The following MATK variants were observed in gnomAD, a reference collection of about 807,000 sequenced individuals.
The protein encoded by MATK is megakaryocyte-associated tyrosine-protein kinase.
MATK carries 41 observed loss-of-function variants against 59.8 expected under a neutral mutation model. The observed-to-expected ratio is 0.69, with a 90% confidence interval of 0.53 to 0.89. The LOEUF (loss-of-function observed/expected upper bound fraction) is 0.89. Among genes scored for constraint, MATK ranks in the 40% least tolerant of loss-of-function variants. The pLI, the probability that MATK is intolerant of heterozygous loss-of-function variation, is 0.00. For synonymous variants in MATK, 308 were observed against 306.1 expected (o/e 1.01, Z -0.06); for missense variants, 593 against 719.6 (o/e 0.82, Z 2.01).
In MATK at chr19:3,784,012, C is replaced by T. The variant is rs770898942; in HGVS notation, c.384G>A (p.Ser128=). ...GCAGCTGCTGGACAGCCTCCTGGCC[C>T]GAGATCTTCCCGTGGAACCACCTGC... ...SLMPWFHGKI[S]GQEAVQQLQP... The change falls in exon 6 of 14, where the codon TCG becomes TCA. Residue 128 remains serine, a synonymous_variant. Coordinates refer to ENST00000310132, the MANE Select transcript of MATK (RefSeq NM_139355.3). 5.0e-6 allele frequency: 8 copies of T among 1,607,566 alleles called. No homozygotes were observed. The highest frequency in any genetic ancestry group is 2.2e-5 in the East Asian group (1 of 44,676).
chr19:3,780,208 A>T lies in MATK; in HGVS notation c.743-411T>A, dbSNP rs546952059. Among the ~76,000 whole-genome samples the T allele has an allele frequency of 3.6e-3, 543 of 151,978 alleles. 3 individuals are homozygous for T. The highest frequency in any genetic ancestry group is 0.02 in the South Asian group (97 of 4,794). ...GGCAGGAGAATCACTTGAACCCGGG[A>T]GGCAGAGGTTGCAGTGAGCCAAGAT... On this transcript the variant is annotated intron_variant, in intron 8 of 13. Transcript: ENST00000310132.
At position 3,784,345 on chromosome 19, in the gene MATK, G is replaced by T. The variant is rs751449121; in HGVS notation, c.239C>A (p.Ala80Asp). ...CCGCCGGCCACCTCTCACCTCGCAG[G>T]CCTCCAGGATGGTGACCACGTCGCC... ...RKGDVVTILE[A>D]CENKSWYRVK... The change falls in exon 4 of 14, where the codon GCC becomes GAC. Residue 80 changes from alanine (A) to aspartate (D), a missense_variant. By Grantham distance (126) the Ala-to-Asp change is moderately radical. Coordinates refer to ENST00000310132, the MANE Select transcript of MATK (RefSeq NM_139355.3). The T allele has an allele frequency of 4.4e-6, 7 of 1,605,070 alleles. No homozygotes were observed. In the South Asian group the frequency reaches 4.4e-5, roughly 10 times the overall value.
chr19:3,782,554 C>T (rs2037416269), intron 7 of MATK, among the ~76,000 whole-genome samples: 1 of 152,164 alleles, frequency 6.6e-6, no homozygotes. Flanking sequence ...ACGATGATCA[C>T]AGTTGACCTG....
chr19:3,777,991 T>C lies in MATK; in HGVS notation c.*192A>G. ...GCCTAGAGTCCTTAGAATCCGTCTT[T>C]ATCGGGCGATCATCCTTCGCAGGTC... is the stretch of plus-strand genomic sequence containing the variant. On this transcript the variant is annotated 3_prime_UTR_variant, in exon 14 of 14. Transcript: ENST00000310132. 1 of 703,086 alleles carries C rather than the reference T, an allele frequency of 1.4e-6. No individual in the cohort carries two copies. The highest frequency in any genetic ancestry group is 2.2e-6 in the Non-Finnish European group (1 of 459,558). 43.6% of individuals were successfully genotyped at this position (703,086 alleles called of 1,614,324 possible). A position where few individuals can be genotyped will look rare whatever the true frequency, so the allele number is the denominator to read the frequency against.
At chr19:3,795,229 G>A (rs12983712) in intron 1 of MATK, among the ~76,000 whole-genome samples, 50,570 of 149,144 alleles carry the variant, frequency 0.34, 9,528 homozygotes, top group East Asian at 0.51. Flanking sequence ...CGCCCACCTC[G>A]GCCTCCCAAA....
chr19:3,780,056 G>A (rs1053339621), intron 8 of MATK, among the ~76,000 whole-genome samples: 2 of 152,268 alleles, frequency 1.3e-5, no homozygotes, highest in South Asian at 2.1e-4. Flanking sequence ...TGAGGCAGGC[G>A]GATCACCTGA....
upstream of MATK, among the ~76,000 whole-genome samples, chr19:3,790,651 CT>C (rs2037531796): frequency 6.6e-6 from 1 of 152,202 alleles, no homozygotes; most frequent in Non-Finnish European, 1.5e-5. Context: ...TGAGTCCGAA[CT>C]GCAGAAGTTT....
At chr19:3,781,400 C>T (rs982653451) in intron 8 of MATK, among the ~76,000 whole-genome samples, 6 of 152,172 alleles carry the variant, frequency 3.9e-5, no homozygotes, top group South Asian at 2.1e-4. Context: ...GTTGACTGAG[C>T]GCCTGCTTGA....
In MATK at chr19:3,782,945, AT is replaced by A. The variant is rs761817480; in HGVS notation, c.676+180del. Reference sequence around the variant, plus strand: ...AGTGGCGAAGCTGGGGACCTATTGAATAAAGGACTGATCTGTGTCTGTGGGC... The same window carrying A: ...AGTGGCGAAGCTGGGGACCTATTGAAAAAGGACTGATCTGTGTCTGTGGGC... On this transcript the variant is annotated intron_variant, in intron 7 of 13. Coordinates refer to ENST00000310132, the MANE Select transcript of MATK (RefSeq NM_139355.3). 16 of 597,048 alleles carry A rather than the reference AT, an allele frequency of 2.7e-5. No individual in the cohort carries two copies. In the Admixed American group the frequency reaches 2.9e-4, roughly 11 times the overall value. 37.0% of individuals were successfully genotyped at this position (597,048 alleles called of 1,614,324 possible).
rs1247250052 is a variant in MATK, at chr19:3,786,239, A to G, written c.-222T>C. The G allele has an allele frequency of 2.0e-6, 2 of 984,728 alleles. No individual in the cohort carries two copies. Among genetic ancestry groups the G allele is most frequent in the South Asian group, 9.4e-5 (2 of 21,272 alleles). The allele number at this position is 984,728 out of a possible 1,614,324, so 61.0% of individuals were successfully genotyped here. A position where few individuals can be genotyped will look rare whatever the true frequency, so the allele number is the denominator to read the frequency against. Reference sequence around the variant, plus strand: ...GAGGGCCTCCGCGAGCCGGCTGCACACCCCGAGGCGGTCCCGGCTGCACAA... The same window carrying G: ...GAGGGCCTCCGCGAGCCGGCTGCACGCCCCGAGGCGGTCCCGGCTGCACAA... On this transcript the variant is annotated 5_prime_UTR_variant, in exon 1 of 14. Transcript: ENST00000310132. The surrounding 1 kb of genome is among the most constrained non-coding windows in gnomAD (Gnocchi z 4.1).
At chr19:3,800,865 AT>A (rs1410982280) in intron 1 of MATK, among the ~76,000 whole-genome samples, 3 of 151,944 alleles carry the variant, frequency 2.0e-5, no homozygotes, top group Non-Finnish European at 4.4e-5. Context: ...ATTTTTATTT[AT>A]TTATGTATTT....
chr19:3,784,109 G>T lies in MATK; in HGVS notation c.362+15C>A. The T allele has an allele frequency of 6.2e-7, 1 of 1,601,692 alleles. No individual in the cohort carries two copies. Among genetic ancestry groups the T allele is most frequent in the Non-Finnish European group, 8.5e-7 (1 of 1,171,936 alleles). ...TTGCTGTCCCCTACCCCAGGCCCCT[G>T]TCCTGCCCACTCACGGCATGAGGCT... On this transcript the variant is annotated intron_variant, in intron 5 of 13. Coordinates refer to ENST00000310132, the MANE Select transcript of MATK (RefSeq NM_139355.3).
rs1369407261 is a variant in MATK, at chr19:3,784,002, C to A, written c.394G>T (p.Ala132Ser). Reference protein sequence around the residue: ...WFHGKISGQEAVQQLQPPEDG... With the variant: ...WFHGKISGQESVQQLQPPEDG... ...TCGGGAGGCTGCAGCTGCTGGACAG[C>A]CTCCTGGCCCGAGATCTTCCCGTGG... is the stretch of plus-strand genomic sequence containing the variant. The change falls in exon 6 of 14, where the codon GCT (alanine) becomes TCT (serine). Residue 132 changes from alanine to serine, a missense_variant. Coordinates refer to ENST00000310132, the MANE Select transcript of MATK (RefSeq NM_139355.3). 52 of 1,609,508 alleles carry A rather than the reference C, an allele frequency of 3.2e-5. No individual in the cohort carries two copies. Among genetic ancestry groups the A allele is most frequent in the Non-Finnish European group, 4.3e-5 (51 of 1,177,964 alleles).
chr19:3,778,715 C>A lies in MATK; in HGVS notation c.1198-120G>T, dbSNP rs927754387. The A allele has an allele frequency of 4.4e-5, 51 of 1,148,348 alleles. No individual in the cohort carries two copies. In the African/African-American group the frequency reaches 7.3e-4, roughly 17 times the overall value. 71.1% of individuals were successfully genotyped at this position (1,148,348 alleles called of 1,614,324 possible). ...TCTCTGGTCTTCTCCTAATTGAGTC[C>A]TCCCCCAACGCCGCCCGCAGTTGAG... On this transcript the variant is annotated intron_variant, in intron 12 of 13. Transcript: ENST00000310132.
chr19:3,780,934 G>A (rs1486111940), intron 8 of MATK, among the ~76,000 whole-genome samples: 1 of 150,290 alleles, frequency 6.7e-6, no homozygotes, highest in Non-Finnish European at 1.5e-5. Flanking sequence ...TCGCTACGTT[G>A]TCCAGGCTGC....
intron 1 of MATK, among the ~76,000 whole-genome samples, chr19:3,794,975 C>CTTTTT (rs532158792): frequency 1.1e-4 from 12 of 107,914 alleles, no homozygotes; most frequent in Non-Finnish European, 2.0e-4. Flanking sequence ...TTTTCTTTTG[C>CTTTTT]TTTTTTTTTT....
upstream of MATK, among the ~76,000 whole-genome samples, chr19:3,789,625 T>G (rs1041767545): frequency 1.3e-5 from 2 of 151,758 alleles, no homozygotes; most frequent in African/African-American, 4.8e-5. Flanking sequence ...TGCCTGACTC[T>G]AGGGGGATAG....
rs557432516 is a variant in MATK at position 3,797,202 on chromosome 19, AT to A, written c.-58+4329del. Among the ~76,000 whole-genome samples, 787 of 151,274 alleles carry A rather than the reference AT, an allele frequency of 5.2e-3. 6 individuals carry two copies. Among genetic ancestry groups the A allele is most frequent in the African/African-American group, 0.018 (737 of 41,168 alleles). Reference sequence around the variant, plus strand: ...TATTGTCATAGGGTGGACTTCTTGGATTGATGTTTTCATTTTCTTGCCTACC... The same window carrying A: ...TATTGTCATAGGGTGGACTTCTTGGATGATGTTTTCATTTTCTTGCCTACC... On this transcript the variant is annotated intron_variant, in intron 1 of 13. Coordinates refer to the MATK transcript ENST00000395045.
intron 12 of MATK, 98 bp downstream of exon 12, chr19:3,778,893 GC>G: frequency 8.1e-7 from 1 of 1,236,594 alleles, no homozygotes. Flanking sequence ...CATAGCCATT[GC>G]CCTTGGAGTT....
Sources: allele counts gnomAD v4.1 joint callset (sites outside exome capture counted in the v4.1 genomes callset), GRCh38; gene constraint gnomAD v4.1.1; non-coding constraint Gnocchi (gnomAD v3.1); transcripts MANE v1.5; gene names NCBI Gene and HGNC (gene_info 2026-07-23, HGNC 2026-07-21).